ANAPC10: variants seen among roughly 807,000 people sequenced by gnomAD.
ANAPC10 encodes the protein anaphase promoting complex subunit 10.
A neutral mutation model predicts 22.0 loss-of-function variants in ANAPC10; 12 were observed. The observed-to-expected ratio is 0.55, with a 90% CI of 0.35 to 0.88. ANAPC10 has a LOEUF of 0.88. ANAPC10 is among the 40% of genes least tolerant of loss of function. ANAPC10 has a pLI of 0.01. For synonymous variants in ANAPC10, 65 were observed against 69.5 expected (o/e 0.94, Z 0.32); for missense variants, 188 against 220.9 (o/e 0.85, Z 0.94).
chr4:145,071,019 T>C (rs938839991), intron 3 of ANAPC10, among the ~76,000 whole-genome samples: 8 of 152,198 alleles, frequency 5.3e-5, no homozygotes, highest in African/African-American at 1.9e-4. Context: ...TATTATTTAA[T>C]GGGTTCCACA....
intron 4 of ANAPC10, among the ~76,000 whole-genome samples, chr4:145,051,903 G>A (rs1019921128): frequency 2.6e-5 from 4 of 152,072 alleles, no homozygotes; most frequent in African/African-American, 9.7e-5. Context: ...GTACCTTTTA[G>A]TCAACCTCAG....
intron 2 of ANAPC10, among the ~76,000 whole-genome samples, chr4:145,090,619 T>G (rs1039533150): frequency 6.6e-6 from 1 of 152,210 alleles, no homozygotes; most frequent in African/African-American, 2.4e-5. Context: ...CATGTGATCT[T>G]TGTCAAATTA....
intron 4 of ANAPC10, among the ~76,000 whole-genome samples, chr4:145,054,430 C>T (rs1322753144): frequency 1.2e-4 from 18 of 150,848 alleles, no homozygotes; most frequent in Middle Eastern, 3.5e-3. Flanking sequence ...TGGTGGCAGG[C>T]GCCTGTAGTC....
chr4:145,023,412 T>C (rs996038508), intron 4 of ANAPC10, among the ~76,000 whole-genome samples: 1 of 152,152 alleles, frequency 6.6e-6, no homozygotes, highest in Non-Finnish European at 1.5e-5. Flanking sequence ...GAACAGTCCT[T>C]TGCCTCACTA....
intron 4 of ANAPC10, among the ~76,000 whole-genome samples, chr4:145,062,803 G>A (rs1743099730): frequency 6.6e-6 from 1 of 152,046 alleles, no homozygotes; most frequent in African/African-American, 2.4e-5. Context: ...AAACTGTGGG[G>A]TATATATACC....
chr4:145,019,370 T>C (rs1027656913), intron 4 of ANAPC10, among the ~76,000 whole-genome samples: 3 of 152,114 alleles, frequency 2.0e-5, no homozygotes, highest in African/African-American at 4.8e-5. Flanking sequence ...AATAAAATCA[T>C]GATGGAAATT....
intron 4 of ANAPC10, among the ~76,000 whole-genome samples, chr4:145,043,104 A>G (rs1161787138): frequency 6.6e-6 from 1 of 151,984 alleles, no homozygotes; most frequent in Non-Finnish European, 1.5e-5. Context: ...TAGAAACAGT[A>G]TTATTTGCTA....
chr4:145,007,039 G>A (rs1171373426), intron 4 of ANAPC10, among the ~76,000 whole-genome samples: 1 of 151,790 alleles, frequency 6.6e-6, no homozygotes, highest in Admixed American at 6.6e-5. Flanking sequence ...GGGAGGCGCG[G>A]GTCCCAAGAT....
intron 3 of ANAPC10, among the ~76,000 whole-genome samples, chr4:145,073,828 G>C (rs1431383522): frequency 1.3e-5 from 2 of 151,986 alleles, no homozygotes; most frequent in South Asian, 4.1e-4. Flanking sequence ...AATTAAAAAT[G>C]TTGTATAATG....
chr4:144,999,869 A>C (rs1732240349), intron 4 of ANAPC10, among the ~76,000 whole-genome samples: 1 of 152,318 alleles, frequency 6.6e-6, no homozygotes, highest in South Asian at 2.1e-4. Flanking sequence ...AGACCAATGC[A>C]ACAGAACAGA....
chr4:145,081,277 T>C (rs1392697152), intron 3 of ANAPC10, among the ~76,000 whole-genome samples: 2 of 151,306 alleles, frequency 1.3e-5, no homozygotes, highest in Non-Finnish European at 2.9e-5. Context: ...TGAGAAGTTA[T>C]ATGAATATTC....
At chr4:145,078,389 A>G (rs1236970920) in intron 3 of ANAPC10, among the ~76,000 whole-genome samples, 1 of 152,216 alleles carries the variant, frequency 6.6e-6, no homozygotes, top group Non-Finnish European at 1.5e-5. Context: ...AAACAAATGG[A>G]AAAACATCCC....
intron 4 of ANAPC10, among the ~76,000 whole-genome samples, chr4:145,033,764 TAGA>T (rs973860503): frequency 1.1e-4 from 16 of 152,298 alleles, no homozygotes; most frequent in African/African-American, 3.9e-4. Flanking sequence ...GAACGGGTAG[TAGA>T]AGAAGGCAGT....
chr4:145,048,034 T>C (rs996005968), intron 4 of ANAPC10, among the ~76,000 whole-genome samples: 4 of 152,176 alleles, frequency 2.6e-5, no homozygotes, highest in Admixed American at 1.3e-4. Context: ...CTTTAGTCAT[T>C]ATTATCTTCT....
chr4:145,006,552 C>T (rs1176212487), intron 4 of ANAPC10, among the ~76,000 whole-genome samples: 2 of 152,116 alleles, frequency 1.3e-5, no homozygotes, highest in East Asian at 3.9e-4. Context: ...AAGCAAATTA[C>T]TTATGCTAGC....
chr4:145,031,177 C>T (rs914233973), intron 4 of ANAPC10, among the ~76,000 whole-genome samples: 5 of 152,202 alleles, frequency 3.3e-5, no homozygotes, highest in African/African-American at 2.4e-5. Flanking sequence ...GGCTTTGTGT[C>T]ATAATCTTAT....
intron 4 of ANAPC10, among the ~76,000 whole-genome samples, chr4:145,062,909 C>T (rs1743121098): frequency 6.6e-6 from 1 of 152,062 alleles, no homozygotes; most frequent in South Asian, 2.1e-4. Flanking sequence ...TGAAACAAGC[C>T]AGGCACAGAA....
intron 4 of ANAPC10, among the ~76,000 whole-genome samples, chr4:145,046,198 G>A (rs1324926555): frequency 3.3e-5 from 5 of 152,038 alleles, no homozygotes; most frequent in Admixed American, 2.6e-4. Context: ...GATAGACAGC[G>A]CTTTCTTGAA....
chr4:145,017,303 G>A (rs1196093185), intron 4 of ANAPC10, among the ~76,000 whole-genome samples: 2 of 152,060 alleles, frequency 1.3e-5, no homozygotes, highest in Non-Finnish European at 2.9e-5. Flanking sequence ...TCAAAAAGTG[G>A]GTGAAGGATA....
Sources: gnomAD v4.1 joint callset for allele counts (sites outside exome capture counted in the v4.1 genomes callset) on GRCh38, gnomAD v4.1.1 for gene constraint, MANE v1.5 for transcripts, NCBI Gene and HGNC (gene_info 2026-07-23, HGNC 2026-07-21) for gene names.